The following ATP10D variants were observed in gnomAD, a reference collection of about 807,000 sequenced individuals.
ATP10D encodes ATPase phospholipid transporting 10D (putative).
ATP10D carries 89 observed loss-of-function variants against 144.8 expected under a neutral mutation model. That is an observed-to-expected ratio of 0.61 (90% CI 0.52 to 0.73). ATP10D has a LOEUF of 0.73. ATP10D is among the 30% of genes least tolerant of loss of function. The pLI is 0.00. For synonymous variants in ATP10D, 571 were observed against 615.1 expected, an observed-to-expected ratio of 0.93 and a Z score of 1.06; for missense variants, 1,603 against 1,714.8, an observed-to-expected ratio of 0.93 and a Z score of 1.15.
intron 1 of ATP10D, among the ~76,000 whole-genome samples, chr4:47,503,504 T>C (rs1220551658): frequency 1.3e-5 from 2 of 152,256 alleles, no homozygotes; most frequent in Admixed American, 1.3e-4. Context: ...TTACAAATAT[T>C]TCTTTATTAG....
At chr4:47,580,542 C>A in intron 20 of ATP10D, 64 bp downstream of exon 20, 1 of 1,449,808 alleles carries the variant, frequency 6.9e-7, no homozygotes, top group Non-Finnish European at 9.7e-7. Flanking sequence ...TTGTACTTTG[C>A]CACCAATTTC....
intron 3 of ATP10D, among the ~76,000 whole-genome samples, chr4:47,517,656 T>C (rs1716759290): frequency 2.0e-5 from 3 of 152,236 alleles, no homozygotes; most frequent in African/African-American, 7.2e-5. Flanking sequence ...TGATTATTAT[T>C]ATAGGTTAAT....
chr4:47,504,386 T>C (rs925441869), intron 1 of ATP10D, among the ~76,000 whole-genome samples: 5 of 152,160 alleles, frequency 3.3e-5, no homozygotes, highest in Non-Finnish European at 7.4e-5. Flanking sequence ...CAAACCATCT[T>C]GATGCTTTTG....
At chr4:47,495,825 T>C (rs989384337) in intron 1 of ATP10D, among the ~76,000 whole-genome samples, 3 of 150,936 alleles carry the variant, frequency 2.0e-5, no homozygotes, top group Non-Finnish European at 3.0e-5. Context: ...GCAACCTCCA[T>C]CTCCCGTTTT....
chr4:47,565,873 T>C lies in ATP10D; in HGVS notation c.2853+2108T>C, dbSNP rs139742796. 5.5e-4 allele frequency among the ~76,000 whole-genome samples: 84 copies of C among 152,346 alleles called. 1 individual carries two copies. Among genetic ancestry groups the C allele is most frequent in the Middle Eastern group, 3.4e-3 (1 of 294 alleles). ...TCAAGAAGTATTTACTGAGTACCTATAATTTTTTTGCTATCGATAGCTATT... is the reference window on the plus strand; with the variant it reads ...TCAAGAAGTATTTACTGAGTACCTACAATTTTTTTGCTATCGATAGCTATT... On this transcript the variant is annotated intron_variant, in intron 15 of 22. Transcript: ENST00000273859.
intron 3 of ATP10D, among the ~76,000 whole-genome samples, chr4:47,518,507 G>A (rs1716794365): frequency 6.6e-6 from 1 of 152,132 alleles, no homozygotes; most frequent in African/African-American, 2.4e-5. Context: ...TATGTGGTAA[G>A]CACTGAGAGA....
intron 1 of ATP10D, among the ~76,000 whole-genome samples, chr4:47,496,747 T>C (rs1715399516): frequency 6.6e-6 from 1 of 152,136 alleles, no homozygotes; most frequent in East Asian, 1.9e-4. Flanking sequence ...GTATATGGCT[T>C]CTGTGTTTGT....
At chr4:47,496,489 A>G (rs1715382908) in intron 1 of ATP10D, among the ~76,000 whole-genome samples, 2 of 152,212 alleles carry the variant, frequency 1.3e-5, no homozygotes, top group African/African-American at 4.8e-5. Flanking sequence ...AGTTCAGTAT[A>G]TTTCTACTGA....
rs746722207 is a variant in ATP10D at position 47,558,138 on chromosome 4, C to T, written c.2299C>T (p.Leu767=). The change falls in exon 12 of 23, where the codon CTA becomes TTA. Residue 767 remains leucine, a synonymous_variant. Coordinates refer to ENST00000273859, the MANE Select transcript of ATP10D (RefSeq NM_020453.4). The stretch of plus-strand genomic sequence containing the variant: ...TTTGGGACCATTAACATTTCAACTC[C>T]TACACATCCTGCCCTTTGACTCAGT... The part of the protein sequence containing the change: ...AALGPLTFQL[L]HILPFDSVRK... 1.4e-5 allele frequency: 23 copies of T among 1,614,088 alleles called. No individual in the cohort carries two copies. The highest frequency in any genetic ancestry group is 1.9e-5 in the Non-Finnish European group (23 of 1,180,044).
chr4:47,490,422 A>G (rs922700213), intron 1 of ATP10D, among the ~76,000 whole-genome samples: 3 of 152,220 alleles, frequency 2.0e-5, no homozygotes, highest in Non-Finnish European at 4.4e-5. Context: ...TTTCAATGGG[A>G]TATGGAAACT....
At position 47,491,414 on chromosome 4, in the gene ATP10D, A is replaced by G. The variant is rs891152856; in HGVS notation, c.-38+5895A>G. ...CAACTCCATGTTTTCTAAAAGGCCT[A>G]GAGAACATGTATGGGGTGCCGCTCC... On this transcript the variant is annotated intron_variant, in intron 1 of 22. Transcript: ENST00000273859. The G allele has an allele frequency of 2.8e-5, 20 of 724,502 alleles. No individual in the cohort carries two copies. In the East Asian group the frequency reaches 5.1e-4, roughly 18 times the overall value. The allele number at this position is 724,502 out of a possible 1,614,324, so 44.9% of individuals were successfully genotyped here. A position where few individuals can be genotyped will look rare whatever the true frequency, so the allele number is the denominator to read the frequency against.
chr4:47,510,468 G>A (rs1009652904), intron 1 of ATP10D, among the ~76,000 whole-genome samples: 4 of 152,218 alleles, frequency 2.6e-5, no homozygotes, highest in Admixed American at 1.3e-4. Flanking sequence ...ATATTGAAAA[G>A]TCCTAAAGAG....
rs965464548 is a variant in ATP10D, at chr4:47,562,506, A to G, written c.2669-1075A>G. On this transcript the variant is annotated intron_variant, in intron 14 of 22. Coordinates refer to ENST00000273859, the MANE Select transcript of ATP10D (RefSeq NM_020453.4). ...AAACCACAATGAGATACCATCTTACACCAGTCAGAATGTCTGTTAAAACGT... is the reference window on the plus strand; with the variant it reads ...AAACCACAATGAGATACCATCTTACGCCAGTCAGAATGTCTGTTAAAACGT... Among the ~76,000 whole-genome samples, 19 of 152,330 alleles carry G rather than the reference A, an allele frequency of 1.2e-4. 1 individual carries two copies. Among genetic ancestry groups the G allele is most frequent in the Middle Eastern group, 6.8e-3 (2 of 294 alleles).
rs564332103 is a variant in ATP10D, at chr4:47,537,841, C to A, written c.1396+903C>A. 2.6e-5 allele frequency among the ~76,000 whole-genome samples: 4 copies of A among 152,212 alleles called. No individual in the cohort carries two copies. The South Asian group carries it at 8.3e-4, about 32-fold the overall frequency. On this transcript the variant is annotated intron_variant, in intron 9 of 22. Transcript: ENST00000273859. ...GTAGTTAACGTCACTTATTCATTCA[C>A]CAAACATTTTGTGAGCTCCCAATAT... is the stretch of plus-strand genomic sequence containing the variant.
intron 22 of ATP10D, 63 bp from the exon 23 acceptor site, chr4:47,590,979 G>C (rs546890641): frequency 2.5e-5 from 29 of 1,160,650 alleles, no homozygotes; most frequent in Middle Eastern, 6.0e-4. Context: ...TAGTATTTGG[G>C]GGGGGGGGTT....
At chr4:47,563,559 T>C (rs1308500775) in intron 14 of ATP10D, 22 bp from the exon 15 acceptor site, 1 of 1,588,416 alleles carries the variant, frequency 6.3e-7, no homozygotes, top group Non-Finnish European at 8.5e-7. Flanking sequence ...ACAAGTCCTA[T>C]TGCACTTTGG....
chr4:47,588,059 A>T (rs955900704), intron 22 of ATP10D, among the ~76,000 whole-genome samples: 1 of 152,152 alleles, frequency 6.6e-6, no homozygotes, highest in African/African-American at 2.4e-5. Context: ...TTCTAAAAGG[A>T]AGAAAGGGAG....
chr4:47,487,072 A>G (rs1447111209), intron 1 of ATP10D, among the ~76,000 whole-genome samples: 1 of 152,104 alleles, frequency 6.6e-6, no homozygotes, highest in Non-Finnish European at 1.5e-5. Flanking sequence ...TCTACTAAAA[A>G]TACAAAATTG....
At position 47,568,857 on chromosome 4, in the gene ATP10D, G is replaced by A; in HGVS notation, c.2874G>A (p.Met958Ile). ...TQSKDACGMLMSTILKELQKK... is the reference protein window; with the variant it reads ...TQSKDACGMLISTILKELQKK... ...TCAAGGATGCCTGTGGGATGCTGAT[G>A]AGCACAATTTTGAAAGAACTTCAGA... The change falls in exon 16 of 23, where the codon ATG becomes ATA. Residue 958 changes from methionine (M) to isoleucine (I), a missense_variant. Coordinates refer to ENST00000273859, the MANE Select transcript of ATP10D (RefSeq NM_020453.4). 6.2e-7 allele frequency: 1 copy of A among 1,613,982 alleles called. No homozygotes were observed. Among genetic ancestry groups the A allele is most frequent in the Non-Finnish European group, 8.5e-7 (1 of 1,179,934 alleles).
Sources: gnomAD v4.1 joint callset for allele counts (sites outside exome capture counted in the v4.1 genomes callset) on GRCh38, gnomAD v4.1.1 for gene constraint, MANE v1.5 for transcripts, NCBI Gene and HGNC (gene_info 2026-07-23, HGNC 2026-07-21) for gene names.